AMZ1: variants seen among roughly 807,000 people sequenced by gnomAD.
AMZ1 encodes the protein archaelysin family metallopeptidase 1.
In AMZ1, 39 loss-of-function variants were observed where a neutral mutation model predicts 29.9. The ratio of observed to expected loss-of-function variants is 1.30; its 90% CI spans 1.01 to 1.70. AMZ1 has a LOEUF of 1.70. Ranked by LOEUF, AMZ1 falls within the 40% of genes most tolerant of loss-of-function variation. The probability of loss-of-function intolerance (pLI) is 0.00; values close to 1 mark genes in which losing one functional copy is unlikely to be tolerated. For synonymous variants in AMZ1, 458 were observed against 304.0 expected (o/e 1.51, Z -5.27); for missense variants, 1,041 against 680.6 (o/e 1.53, Z -5.89).
chr7:2,752,976 T>C (rs535872938), intron 4 of AMZ1, among the ~76,000 whole-genome samples: 261 of 152,252 alleles, frequency 1.7e-3, no homozygotes, highest in Non-Finnish European at 3.2e-3. Context: ...ACCACAACGG[T>C]CTCCCTCGTG....
At chr7:2,683,848 G>T (rs1170300072), upstream of AMZ1, among the ~76,000 whole-genome samples, 2 of 151,968 alleles carry the variant, frequency 1.3e-5, no homozygotes, top group African/African-American at 4.8e-5. Flanking sequence ...GATTACAGGC[G>T]TGAGCCACCT....
At position 2,731,643 on chromosome 7, in the gene AMZ1, C is replaced by CA; in HGVS notation, n.550+21828dup. ...TCTGGCGCTGGGACCGCTGGCCGCCCACATCCACCATCTTAAAGGGGATCT... is the reference window on the plus strand; with the variant it reads ...TCTGGCGCTGGGACCGCTGGCCGCCCAACATCCACCATCTTAAAGGGGATCT... On this transcript the variant is annotated intron_variant and non_coding_transcript_variant, in intron 4 of 4. Coordinates refer to the AMZ1 transcript ENST00000489665. The surrounding 1 kb of genome is among the most constrained non-coding windows in gnomAD (Gnocchi z 6.0). The CA allele has an allele frequency of 1.2e-6, 2 of 1,613,714 alleles. No individual in the cohort carries two copies. Among genetic ancestry groups the CA allele is most frequent in the Non-Finnish European group, 1.7e-6 (2 of 1,179,878 alleles).
At chr7:2,759,354 G>T (rs1042142978) in intron 4 of AMZ1, among the ~76,000 whole-genome samples, 1 of 152,122 alleles carries the variant, frequency 6.6e-6, no homozygotes, top group African/African-American at 2.4e-5. Flanking sequence ...CTATGTGCCT[G>T]CACTGTTCTA....
upstream of AMZ1, among the ~76,000 whole-genome samples, chr7:2,760,768 C>T (rs934866336): frequency 6.6e-5 from 10 of 152,248 alleles, no homozygotes; most frequent in South Asian, 2.1e-4. Flanking sequence ...CTAGGGACAG[C>T]GTCGAGCTCC....
At chr7:2,751,731 C>T (rs1159831530) in intron 4 of AMZ1, among the ~76,000 whole-genome samples, 1 of 152,192 alleles carries the variant, frequency 6.6e-6, no homozygotes, top group Admixed American at 6.5e-5. Context: ...ATGTTCCAAA[C>T]AACTTTATGC....
At chr7:2,710,377 T>G (rs1788694414) in intron 6 of AMZ1, among the ~76,000 whole-genome samples, 1 of 152,142 alleles carries the variant, frequency 6.6e-6, no homozygotes, top group African/African-American at 2.4e-5. Flanking sequence ...CAAAGGCAGG[T>G]GGTGGTAATT....
At chr7:2,688,348 C>T (rs1029743519) in intron 1 of AMZ1, 52 bp downstream of exon 1, 2 of 151,398 alleles carry the variant, frequency 1.3e-5, no homozygotes, top group Non-Finnish European at 3.0e-5. Flanking sequence ...AGAGGGACCT[C>T]CGTGCCGGGG....
chr7:2,733,523 C>T, intron 4 of AMZ1: 1 of 1,603,552 alleles, frequency 6.2e-7, no homozygotes, highest in African/African-American at 1.3e-5. Flanking sequence ...GAAGAATATT[C>T]ACAGCTCAGT....
In AMZ1 at chr7:2,700,575, C is replaced by T. The variant is rs1301061062; in HGVS notation, c.124C>T (p.Leu42Phe). 6 of 1,610,346 alleles carry T rather than the reference C, an allele frequency of 3.7e-6. No individual in the cohort carries two copies. Among genetic ancestry groups the T allele is most frequent in the Non-Finnish European group, 4.2e-6 (5 of 1,179,950 alleles). ...YVSAFSPAERLFLAEAYNPQR... is the reference protein window; with the variant it reads ...YVSAFSPAERFFLAEAYNPQR... The stretch of plus-strand genomic sequence containing the variant: ...GTCCGCCTTCTCCCCTGCCGAGCGG[C>T]TCTTCCTGGCCGAGGCCTACAACCC... Residue 42 changes from leucine (L) to phenylalanine (F), a missense_variant, in exon 2 of 7, where the codon CTC becomes TTC. Transcript: ENST00000683327.
At chr7:2,687,223 C>G (rs781052690), upstream of AMZ1, among the ~76,000 whole-genome samples, 1 of 151,868 alleles carries the variant, frequency 6.6e-6, no homozygotes, top group Non-Finnish European at 1.5e-5. Flanking sequence ...ACTACTCAGG[C>G]GGCTGAGGCA....
chr7:2,744,149 G>A (rs924245561), intron 4 of AMZ1, among the ~76,000 whole-genome samples: 8 of 152,222 alleles, frequency 5.3e-5, no homozygotes, highest in African/African-American at 1.2e-4. Context: ...AAATGTCCCC[G>A]TCTGACAGCT....
chr7:2,725,251 G>A (rs980480203), intron 4 of AMZ1, among the ~76,000 whole-genome samples: 6 of 152,160 alleles, frequency 3.9e-5, no homozygotes, highest in African/African-American at 1.4e-4. Flanking sequence ...TCAGGGGCTG[G>A]AGCCATGGCC....
chr7:2,694,262 C>G (rs548296060), intron 1 of AMZ1, among the ~76,000 whole-genome samples: 4 of 152,288 alleles, frequency 2.6e-5, no homozygotes, highest in Admixed American at 2.0e-4. Context: ...CATTTCCTGC[C>G]TCGCCGCTGG....
At position 2,689,387 on chromosome 7, in the gene AMZ1, C is replaced by T. The variant is rs573967633; in HGVS notation, c.-219+1091C>T. On this transcript the variant is annotated intron_variant, in intron 1 of 6. Coordinates refer to ENST00000683327, the MANE Select transcript of AMZ1 (RefSeq NM_001384743.1). The stretch of plus-strand genomic sequence containing the variant: ...AACCTCCCTGGGGGGGGGATGCGGA[C>T]GTGCTCTTTTCCAGTCTTTGGACAA... Among the ~76,000 whole-genome samples, 358 of 150,896 alleles carry T rather than the reference C, an allele frequency of 2.4e-3. 2 individuals are homozygous for T. Among genetic ancestry groups the T allele is most frequent in the African/African-American group, 7.2e-3 (295 of 41,248 alleles).
chr7:2,727,067 C>T (rs1789650844), intron 4 of AMZ1, among the ~76,000 whole-genome samples: 2 of 152,164 alleles, frequency 1.3e-5, no homozygotes, highest in South Asian at 4.1e-4. Flanking sequence ...GAATAAAAGC[C>T]TCTGGAACAC....
At chr7:2,742,085 G>A (rs1457333089) in intron 4 of AMZ1, among the ~76,000 whole-genome samples, 2 of 151,696 alleles carry the variant, frequency 1.3e-5, no homozygotes, top group African/African-American at 2.4e-5. Context: ...GCAGTGGGGC[G>A]ATCTCAGCTC....
intron 1 of AMZ1, among the ~76,000 whole-genome samples, chr7:2,692,525 G>A (rs1170608382): frequency 6.6e-6 from 1 of 152,170 alleles, no homozygotes; most frequent in Non-Finnish European, 1.5e-5. Context: ...CTGGGTGATA[G>A]AGTGAGGCTC....
intron 1 of AMZ1, among the ~76,000 whole-genome samples, chr7:2,681,333 C>T (rs1479642612): frequency 1.3e-5 from 2 of 152,166 alleles, no homozygotes; most frequent in Admixed American, 6.5e-5. Context: ...TGGTGATCCT[C>T]CCACCTCAGC....
chr7:2,704,588 C>CTTTTTTTTTTTTTTT (rs60811216), intron 3 of AMZ1, among the ~76,000 whole-genome samples: 5 of 83,880 alleles, frequency 6.0e-5, no homozygotes, highest in African/African-American at 3.0e-4. Context: ...CAGTGTCACG[C>CTTTTTTTTTTTTTTT]TTTTTTTTTT....
Sources: gnomAD v4.1 joint callset for allele counts (sites outside exome capture counted in the v4.1 genomes callset) on GRCh38, gnomAD v4.1.1 for gene constraint, Gnocchi (gnomAD v3.1) non-coding constraint, MANE v1.5 for transcripts, NCBI Gene and HGNC (gene_info 2026-07-23, HGNC 2026-07-21) for gene names.